The following SYF2 variants were observed in gnomAD, a reference collection of about 807,000 sequenced individuals.
SYF2 encodes the protein pre-mRNA-splicing factor SYF2.
In SYF2, 21 loss-of-function variants were observed where a neutral mutation model predicts 32.7. That is an observed-to-expected ratio of 0.64 (90% CI 0.45 to 0.92). The LOEUF is 0.92. SYF2 is among the 40% of genes least tolerant of loss of function. The pLI, the probability that SYF2 is intolerant of heterozygous loss-of-function variation, is 0.00. For synonymous variants in SYF2, 114 were observed against 103.9 expected, an observed-to-expected ratio of 1.10 and a Z score of -0.59; for missense variants, 278 against 296.5, an observed-to-expected ratio of 0.94 and a Z score of 0.46.
In SYF2 at chr1:25,223,387, T is replaced by G. The variant is rs1324442454; in HGVS notation, c.611A>C (p.Asp204Ala). The G allele has an allele frequency of 6.2e-7, 1 of 1,613,746 alleles. No homozygotes were observed. The stretch of plus-strand genomic sequence containing the variant: ...ATTAATGTAGTCGATATCTGCATCA[T>G]CATTATAAGGACGTCTCCGGCTATA... ...DKYSRRRPYN[D>A]DADIDYINER... is the part of the protein sequence containing the mutation. The change falls in exon 7 of 7, where the codon GAT becomes GCT. Residue 204 changes from aspartate (D) to alanine (A), a missense_variant. Asp to Ala is a moderately radical substitution (Grantham distance 126). Coordinates refer to ENST00000236273, the MANE Select transcript of SYF2 (RefSeq NM_015484.5).
intron 2 of SYF2, chr1:25,231,016 C>G (rs1638618444): frequency 6.6e-6 from 1 of 152,074 alleles, no homozygotes; most frequent in Non-Finnish European, 1.5e-5. Context: ...CCGTGTTAGC[C>G]AGGATGGTCT....
intron 5 of SYF2, among the ~76,000 whole-genome samples, chr1:25,225,451 C>T (rs968919363): frequency 3.5e-4 from 53 of 151,540 alleles, no homozygotes; most frequent in African/African-American, 1.2e-3. Flanking sequence ...GCACTTGAAC[C>T]CGGGAGGTGG....
intron 4 of SYF2, 124 bp downstream of exon 4, chr1:25,227,994 T>C (rs1638546613): frequency 1.1e-5 from 8 of 723,808 alleles, no homozygotes; most frequent in Non-Finnish European, 1.9e-5. Context: ...GTACTTTTCT[T>C]GGTCTTAAGC....
chr1:25,224,383 G>T (rs537825510), intron 6 of SYF2, among the ~76,000 whole-genome samples: 1 of 152,120 alleles, frequency 6.6e-6, no homozygotes. Flanking sequence ...AGTCTCCCAA[G>T]TAGCTAGGAC....
chr1:25,232,291 C>T, intron 1 of SYF2, 80 bp from the exon 2 acceptor site: 1 of 1,581,016 alleles, frequency 6.3e-7, no homozygotes, highest in African/African-American at 1.3e-5. Context: ...CCGCCGGTCC[C>T]CACAGGCTGG....
chr1:25,230,359 T>C (rs1638602693), intron 2 of SYF2: 1 of 151,734 alleles, frequency 6.6e-6, no homozygotes. Flanking sequence ...CTTAATTGCA[T>C]AAAGCAAAAT....
chr1:25,226,788 A>T (rs1475295228), intron 5 of SYF2, among the ~76,000 whole-genome samples: 1 of 152,002 alleles, frequency 6.6e-6, no homozygotes, highest in Non-Finnish European at 1.5e-5. Flanking sequence ...AGTTTGAGAC[A>T]GCCTGAGCAA....
intron 2 of SYF2, chr1:25,231,316 G>A (rs1638625444): frequency 6.6e-6 from 1 of 152,234 alleles, no homozygotes; most frequent in African/African-American, 2.4e-5. Context: ...TCACTCCATG[G>A]TGAAACAGGG....
At chr1:25,229,864 T>C (rs1005779551) in intron 2 of SYF2, among the ~76,000 whole-genome samples, 52 of 151,978 alleles carry the variant, frequency 3.4e-4, no homozygotes, top group Middle Eastern at 6.8e-3. Context: ...TCACCCAAGC[T>C]GGAGTACAGT....
intron 3 of SYF2, 98 bp from the exon 4 acceptor site, chr1:25,228,333 T>TA: frequency 2.9e-6 from 3 of 1,047,318 alleles, no homozygotes; most frequent in Non-Finnish European, 4.2e-6. Context: ...CAACCAATAC[T>TA]TTAATAGTAT....
intron 2 of SYF2, 104 bp downstream of exon 2, chr1:25,232,000 C>A (rs1638639554): frequency 8.9e-7 from 1 of 1,123,528 alleles, no homozygotes; most frequent in East Asian, 2.5e-5. Flanking sequence ...TGATCCTGCT[C>A]TGTTGGTCTG....
chr1:25,229,273 A>C (rs1181869306), intron 2 of SYF2, 150 bp from the exon 3 acceptor site: 1 of 968,496 alleles, frequency 1.0e-6, no homozygotes, highest in African/African-American at 1.7e-5. Flanking sequence ...CAGGATTTTA[A>C]GCCAGGGAAT....
chr1:25,226,957 A>G (rs141519504), intron 5 of SYF2, among the ~76,000 whole-genome samples: 48 of 152,020 alleles, frequency 3.2e-4, no homozygotes, highest in Non-Finnish European at 6.3e-4. Flanking sequence ...CTCCAGCTTA[A>G]GCAACAGAGC....
rs1638428831 is a variant in SYF2 at position 25,222,542 on chromosome 1, G to C, written c.*724C>G. 1 of 151,956 alleles carries C rather than the reference G, an allele frequency of 6.6e-6. No individual in the cohort carries two copies. Among genetic ancestry groups the C allele is most frequent in the South Asian group, 2.1e-4 (1 of 4,824 alleles). 9.4% of individuals were successfully genotyped at this position (151,956 alleles called of 1,614,324 possible). A position where few individuals can be genotyped will look rare whatever the true frequency, so the allele number is the denominator to read the frequency against. Reference sequence around the variant, plus strand: ...TTGTTGAACAGGGTACTGGGTATATGGGACTCACCAGGGGTATTGGGTGTA... The same window carrying C: ...TTGTTGAACAGGGTACTGGGTATATCGGACTCACCAGGGGTATTGGGTGTA... On this transcript the variant is annotated 3_prime_UTR_variant, in exon 7 of 7. Transcript: ENST00000236273.
intron 2 of SYF2, chr1:25,231,430 T>A (rs1219245252): frequency 6.6e-6 from 1 of 152,234 alleles, no homozygotes; most frequent in African/African-American, 2.4e-5. Context: ...TGCTTGGATA[T>A]CTCTTTCTCT....
chr1:25,232,334 A>G, intron 1 of SYF2, 110 bp downstream of exon 1: 1 of 1,597,096 alleles, frequency 6.3e-7, no homozygotes, highest in Non-Finnish European at 8.6e-7. Flanking sequence ...TTGACCCCAC[A>G]GTGTCTGAGC....
intron 6 of SYF2, among the ~76,000 whole-genome samples, chr1:25,224,165 G>A (rs1236787642): frequency 6.6e-6 from 1 of 151,926 alleles, no homozygotes; most frequent in South Asian, 2.1e-4. Flanking sequence ...CTGCGCTCCA[G>A]CCTGGGCAAT....
chr1:25,227,299 T>C (rs905857444), intron 5 of SYF2, 143 bp downstream of exon 5: 3 of 705,282 alleles, frequency 4.3e-6, no homozygotes, highest in South Asian at 4.5e-5. Flanking sequence ...AGGAAAAAAA[T>C]ATCCAGAAAA....
intron 4 of SYF2, 142 bp from the exon 5 acceptor site, chr1:25,227,674 T>C: frequency 1.4e-6 from 1 of 716,308 alleles, no homozygotes; most frequent in East Asian, 2.8e-5. Context: ...TTTTTCAGAT[T>C]TTGGAATATC....
Sources: allele counts gnomAD v4.1 joint callset (sites outside exome capture counted in the v4.1 genomes callset), GRCh38; gene constraint gnomAD v4.1.1; transcripts MANE v1.5; gene names NCBI Gene and HGNC (gene_info 2026-07-23, HGNC 2026-07-21).